Variants in KIAA1549L observed in about 807,000 individuals in gnomAD.
KIAA1549L encodes the protein UPF0606 protein KIAA1549L.
KIAA1549L carries 88 observed loss-of-function variants against 160.7 expected under a neutral mutation model. That is an observed-to-expected ratio of 0.55 (90% confidence interval 0.46 to 0.65). KIAA1549L has a LOEUF of 0.65. Ranked by LOEUF, KIAA1549L falls within the 30% of genes least tolerant of loss-of-function variation. The pLI, the probability that KIAA1549L is intolerant of heterozygous loss-of-function variation, is 0.00. For synonymous variants in KIAA1549L, 950 were observed against 976.7 expected, an observed-to-expected ratio of 0.97 and a Z score of 0.51; for missense variants, 2,258 against 2,437.5, an observed-to-expected ratio of 0.93 and a Z score of 1.55.
intron 9 of KIAA1549L, among the ~76,000 whole-genome samples, chr11:33,571,779 G>A (rs1043052593): frequency 2.0e-5 from 3 of 151,994 alleles, no homozygotes; most frequent in African/African-American, 7.2e-5. Flanking sequence ...ATTTGGAGAG[G>A]ACATGTATTC....
rs1234907088 is a variant in KIAA1549L, at chr11:33,542,395, C to T, written c.832C>T (p.Pro278Ser). The stretch of plus-strand genomic sequence containing the variant: ...AGTGCTGTTAGTTCCCCAAACAGCT[C>T]CAGCCGACCCCTCTTTAGGTCAGAA... ...PKVLLVPQTAPADPSLGQNIA... is the reference protein window; with the variant it reads ...PKVLLVPQTASADPSLGQNIA... The change falls in exon 2 of 21, where the codon CCA becomes TCA. Residue 278 changes from proline to serine, a missense_variant. Pro to Ser is a moderately conservative substitution (Grantham distance 74). Coordinates refer to ENST00000658780, the MANE Select transcript of KIAA1549L (RefSeq NM_012194.3). 7.1e-7 allele frequency: 1 copy of T among 1,408,164 alleles called. No individual in the cohort carries two copies. The highest frequency in any genetic ancestry group is 1.4e-5 in the African/African-American group (1 of 69,822). 87.2% of individuals were successfully genotyped at this position (1,408,164 alleles called of 1,614,324 possible). A position where few individuals can be genotyped will look rare whatever the true frequency, so the allele number is the denominator to read the frequency against.
intron 16 of KIAA1549L, among the ~76,000 whole-genome samples, chr11:33,644,533 A>G (rs1439505752): frequency 3.3e-5 from 5 of 152,254 alleles, no homozygotes; most frequent in African/African-American, 4.8e-5. Flanking sequence ...GACAGCAACT[A>G]GTATTGTTTT....
chr11:33,399,732 C>CT (rs1347361961), intron 1 of KIAA1549L, among the ~76,000 whole-genome samples: 7 of 152,204 alleles, frequency 4.6e-5, no homozygotes, highest in East Asian at 1.9e-4. Flanking sequence ...CTACCTTGGG[C>CT]TTTTTTAATT....
intron 6 of KIAA1549L, among the ~76,000 whole-genome samples, chr11:33,557,406 A>G (rs1006342060): frequency 1.3e-5 from 2 of 151,904 alleles, no homozygotes; most frequent in Admixed American, 6.6e-5. Context: ...AGTTTTTTAA[A>G]TTGTTCAGAA....
At chr11:33,603,489 G>A (rs1664056868) in intron 13 of KIAA1549L, among the ~76,000 whole-genome samples, 1 of 152,084 alleles carries the variant, frequency 6.6e-6, no homozygotes, top group African/African-American at 2.4e-5. Context: ...TTCCTGAGAT[G>A]GGAACAAGCC....
intron 12 of KIAA1549L, among the ~76,000 whole-genome samples, 185 bp downstream of exon 12, chr11:33,591,606 C>T (rs118072990): frequency 0.022 from 3,375 of 152,328 alleles, 56 homozygotes; most frequent in Non-Finnish European, 0.033. Flanking sequence ...GCCTGGGCTA[C>T]GCTTTGTAAG....
intron 15 of KIAA1549L, among the ~76,000 whole-genome samples, chr11:33,617,263 C>T (rs1272933460): frequency 6.6e-6 from 1 of 152,108 alleles, no homozygotes; most frequent in Non-Finnish European, 1.5e-5. Context: ...CTTGCAGGAT[C>T]GTGTGGAACT....
At chr11:33,598,168 TAG>T (rs749205913) in intron 12 of KIAA1549L, among the ~76,000 whole-genome samples, 2 of 146,148 alleles carry the variant, frequency 1.4e-5, no homozygotes, top group East Asian at 2.1e-4. Context: ...TTGCCACAGT[TAG>T]AGAGTTAGAG....
In KIAA1549L at chr11:33,383,273, CT is replaced by C. The variant is rs35630887; in HGVS notation, c.238+6397del. Among the ~76,000 whole-genome samples, 936 of 143,744 alleles carry C rather than the reference CT, an allele frequency of 6.5e-3. 5 individuals are homozygous for C. The highest frequency in any genetic ancestry group is 0.015 in the African/African-American group (609 of 39,472). The allele number at this position is 143,744 out of a possible 152,430, so 94.3% of individuals were successfully genotyped here. A position where few individuals can be genotyped will look rare whatever the true frequency, so the allele number is the denominator to read the frequency against. ...GCCCATATTGTGGTTTTCTTTCTTTCTTTTTTTTTTTTTAAAGACAAACAAA... is the reference window on the plus strand; with the variant it reads ...GCCCATATTGTGGTTTTCTTTCTTTCTTTTTTTTTTTTAAAGACAAACAAA... On this transcript the variant is annotated intron_variant, in intron 1 of 20. Coordinates refer to ENST00000658780, the MANE Select transcript of KIAA1549L (RefSeq NM_012194.3).
At chr11:33,474,187 C>T (rs138564674) in intron 1 of KIAA1549L, among the ~76,000 whole-genome samples, 2 of 152,318 alleles carry the variant, frequency 1.3e-5, no homozygotes, top group East Asian at 3.9e-4. Flanking sequence ...TCCCACCAGG[C>T]CCCACCTCCA....
intron 12 of KIAA1549L, among the ~76,000 whole-genome samples, chr11:33,596,705 C>T (rs1026899944): frequency 2.0e-5 from 3 of 152,248 alleles, no homozygotes; most frequent in Admixed American, 6.5e-5. Context: ...CACCACTGCA[C>T]TCCAGGCTGG....
chr11:33,591,209 C>G, intron 11 of KIAA1549L, 28 bp from the exon 12 acceptor site: 1 of 1,566,272 alleles, frequency 6.4e-7, no homozygotes, highest in Non-Finnish European at 8.7e-7. Flanking sequence ...GCTAGAAATA[C>G]GACTGCAAAT....
chr11:33,442,296 C>T (rs1465971761), intron 1 of KIAA1549L, among the ~76,000 whole-genome samples: 1 of 152,110 alleles, frequency 6.6e-6, no homozygotes, highest in Admixed American at 6.5e-5. Flanking sequence ...GTTTTGGTAC[C>T]AGTACCATGC....
intron 1 of KIAA1549L, among the ~76,000 whole-genome samples, chr11:33,425,650 G>A (rs888744424): frequency 3.9e-5 from 6 of 152,174 alleles, no homozygotes; most frequent in Admixed American, 6.5e-5. Flanking sequence ...CTTGCTGTAC[G>A]TAGATGAAAA....
chr11:33,413,689 G>A (rs541269628), intron 1 of KIAA1549L, among the ~76,000 whole-genome samples: 2 of 152,100 alleles, frequency 1.3e-5, no homozygotes, highest in Non-Finnish European at 2.9e-5. Context: ...ATTATTATTT[G>A]TTCTTATGAA....
chr11:33,502,622 A>G (rs1162241628), intron 1 of KIAA1549L, among the ~76,000 whole-genome samples: 2 of 152,224 alleles, frequency 1.3e-5, no homozygotes, highest in Non-Finnish European at 2.9e-5. Flanking sequence ...AGTGTTACAG[A>G]AGCCTAATAA....
intron 12 of KIAA1549L, among the ~76,000 whole-genome samples, chr11:33,595,176 A>T: frequency 6.6e-6 from 1 of 152,362 alleles, no homozygotes; most frequent in South Asian, 2.1e-4. Context: ...TGAAACAAAT[A>T]CAGATGAAGA....
chr11:33,435,395 T>A (rs1484884045), intron 1 of KIAA1549L, among the ~76,000 whole-genome samples: 2 of 152,162 alleles, frequency 1.3e-5, no homozygotes. Context: ...AGTGGGGCTA[T>A]AATTGAGACT....
At chr11:33,633,524 T>A (rs919067894) in intron 16 of KIAA1549L, among the ~76,000 whole-genome samples, 2 of 152,066 alleles carry the variant, frequency 1.3e-5, no homozygotes, top group African/African-American at 4.8e-5. Context: ...AGCCTGTTTG[T>A]GATGGAATAG....
Sources: allele counts gnomAD v4.1 joint callset (sites outside exome capture counted in the v4.1 genomes callset), GRCh38; gene constraint gnomAD v4.1.1; transcripts MANE v1.5; gene names NCBI Gene and HGNC (gene_info 2026-07-23, HGNC 2026-07-21).